The following SMARCE1 variants were observed in gnomAD, a reference collection of about 807,000 sequenced individuals.
The protein encoded by SMARCE1 is SWI/SNF related BAF chromatin remodeling complex subunit E1.
A neutral mutation model predicts 54.9 loss-of-function variants in SMARCE1; 13 were observed. The ratio of observed to expected loss-of-function variants is 0.24; its 90% CI spans 0.15 to 0.38. The LOEUF (loss-of-function observed/expected upper bound fraction) is 0.38. SMARCE1 is among the 10% of genes least tolerant of loss of function. SMARCE1 has a pLI of 1.00. For synonymous variants in SMARCE1, 151 were observed against 175.3 expected, an observed-to-expected ratio of 0.86 and a Z score of 1.10; for missense variants, 295 against 523.8, an observed-to-expected ratio of 0.56 and a Z score of 4.26.
chr17:40,637,595 C>A, intron 4 of SMARCE1, 23 bp from the exon 5 acceptor site: 5 of 1,575,634 alleles, frequency 3.2e-6, no homozygotes, highest in Non-Finnish European at 4.4e-6. Context: ...TAAATACATT[C>A]ATTATTCAAC....
intron 3 of SMARCE1, chr17:40,643,408 T>C (rs1211677727): frequency 1.3e-5 from 2 of 152,230 alleles, no homozygotes; most frequent in Admixed American, 1.3e-4. Context: ...CCTTTCAAAA[T>C]ACAACTGCTC....
At chr17:40,630,294 G>C (rs2037079264) in intron 10 of SMARCE1, 1 of 1,244,524 alleles carries the variant, frequency 8.0e-7, no homozygotes, top group Admixed American at 1.9e-5. Context: ...TTTCTGTAAA[G>C]AGCCAGATAG....
chr17:40,634,720 T>C (rs145303154), intron 7 of SMARCE1: 2 of 152,348 alleles, frequency 1.3e-5, no homozygotes, highest in Non-Finnish European at 2.9e-5. Context: ...GTGTTCATGG[T>C]GTTAATGAAA....
chr17:40,641,493 G>C (rs959480156), intron 4 of SMARCE1: 17 of 152,184 alleles, frequency 1.1e-4, no homozygotes, highest in African/African-American at 4.1e-4. Context: ...CTTGACTACA[G>C]GGTGAGAGGG....
At chr17:40,645,459 T>C in intron 3 of SMARCE1, 117 bp downstream of exon 3, 1 of 582,698 alleles carries the variant, frequency 1.7e-6, no homozygotes, top group East Asian at 3.4e-5. Context: ...TTTTTTTCTT[T>C]TAAGCTGAAT....
intron 10 of SMARCE1, chr17:40,630,490 G>T: frequency 1.6e-6 from 1 of 626,674 alleles, no homozygotes; most frequent in Admixed American, 2.9e-5. Context: ...TGCTGTCCTA[G>T]GACACCAAAG....
intron 7 of SMARCE1, chr17:40,632,599 G>C: frequency 2.3e-6 from 1 of 440,758 alleles, no homozygotes; most frequent in Non-Finnish European, 4.0e-6. Context: ...TGATAATGTT[G>C]TGTCTGAGAA....
rs2037058900 is a variant in SMARCE1, at chr17:40,628,729, CA to C, written c.*55del. ...ACAAACCACGTAACACCATTAAAAC[CA>C]AAAAACATTTTTTCATTAAAAAAAG... On this transcript the variant is annotated 3_prime_UTR_variant, in exon 11 of 11. Coordinates refer to ENST00000348513, the MANE Select transcript of SMARCE1 (RefSeq NM_003079.5). 1 of 1,480,108 alleles carries C rather than the reference CA, an allele frequency of 6.8e-7. No homozygotes were observed. 91.7% of individuals were successfully genotyped at this position (1,480,108 alleles called of 1,614,324 possible). A position where few individuals can be genotyped will look rare whatever the true frequency, so the allele number is the denominator to read the frequency against.
rs202149619 is a variant in SMARCE1, at chr17:40,629,011, T to C, written c.1028-18A>G. 1,054 of 1,601,116 alleles carry C rather than the reference T, an allele frequency of 6.6e-4. 2 individuals carry two copies. Among genetic ancestry groups the C allele is most frequent in the Non-Finnish European group, 8.5e-4 (990 of 1,168,504 alleles). ...TGTCTCCTCTGTAATCACACATTTG[T>C]CACTGTCAGTTCCAAGATGAAATTT... is the stretch of plus-strand genomic sequence containing the variant. On this transcript the variant is annotated intron_variant, in intron 10 of 10. Coordinates refer to ENST00000348513, the MANE Select transcript of SMARCE1 (RefSeq NM_003079.5).
chr17:40,645,502 T>A, intron 3 of SMARCE1, 74 bp downstream of exon 3: 1 of 832,070 alleles, frequency 1.2e-6, no homozygotes, highest in Non-Finnish European at 1.9e-6. Context: ...TGAGTGACTG[T>A]CACTGGAAGA....
At chr17:40,637,809 A>G in intron 4 of SMARCE1, 1 of 502,702 alleles carries the variant, frequency 2.0e-6, no homozygotes, top group Non-Finnish European at 3.6e-6. Flanking sequence ...ACCTGGCTGC[A>G]AGAACAAATA....
chr17:40,642,648 T>C lies in SMARCE1; in HGVS notation c.52-89A>G. The C allele has an allele frequency of 4.0e-6, 3 of 749,226 alleles. No individual in the cohort carries two copies. Among genetic ancestry groups the C allele is most frequent in the Non-Finnish European group, 6.8e-6 (3 of 438,342 alleles). 46.4% of individuals were successfully genotyped at this position (749,226 alleles called of 1,614,324 possible). A position where few individuals can be genotyped will look rare whatever the true frequency, so the allele number is the denominator to read the frequency against. On this transcript the variant is annotated intron_variant, in intron 3 of 10. Transcript: ENST00000348513. The surrounding 1 kb of genome is among the most constrained non-coding windows in gnomAD (Gnocchi z 4.6). ...AATGAAAAATGATCTGCATATGGCA[T>C]GCAAAAGCAACCTGAATTTAAACAA...
At position 40,642,298 on chromosome 17, in the gene SMARCE1, T is replaced by C; in HGVS notation, c.156+157A>G. The C allele has an allele frequency of 2.9e-6, 2 of 691,734 alleles. No homozygotes were observed. Among genetic ancestry groups the C allele is most frequent in the South Asian group, 3.1e-5 (2 of 65,232 alleles). 42.8% of individuals were successfully genotyped at this position (691,734 alleles called of 1,614,324 possible). The stretch of plus-strand genomic sequence containing the variant: ...CAGATCTCACTATTTATTTTTTCAG[T>C]GTGAGATGCTACAACGAATGTTGAA... On this transcript the variant is annotated intron_variant, in intron 4 of 10. Transcript: ENST00000348513. This position sits in a 1 kb window ranked among gnomAD's most constrained non-coding sequence, Gnocchi z 4.6.
At chr17:40,645,170 G>A (rs28610051) in intron 3 of SMARCE1, 17,282 of 276,680 alleles carry the variant, frequency 0.062, 2,876 homozygotes, top group African/African-American at 0.35. Flanking sequence ...GAAAATTTTA[G>A]AGAGAGACAA....
At chr17:40,637,900 C>T (rs571947769) in intron 4 of SMARCE1, among the ~76,000 whole-genome samples, 70 of 152,228 alleles carry the variant, frequency 4.6e-4, no homozygotes, top group African/African-American at 1.6e-3. Flanking sequence ...ACCTGGTACC[C>T]TCTTATTCTG....
At chr17:40,634,823 A>T (rs9915135) in intron 7 of SMARCE1, 110,676 of 152,014 alleles carry the variant, frequency 0.73, 40,843 homozygotes, top group African/African-American at 0.86. Context: ...TTGTCTTCTG[A>T]TTTTTAGTTC....
At position 40,625,644 on chromosome 17, in the gene SMARCE1, C is replaced by G. The variant is rs1310727536; in HGVS notation, c.*3141G>C. Reference sequence around the variant, plus strand: ...GTTTCACACTGTCAGCACCAACTGTCTAAAATCCAAAACTAGTATCTAAAT... The same window carrying G: ...GTTTCACACTGTCAGCACCAACTGTGTAAAATCCAAAACTAGTATCTAAAT... On this transcript the variant is annotated 3_prime_UTR_variant, in exon 11 of 11. Coordinates refer to ENST00000348513, the MANE Select transcript of SMARCE1 (RefSeq NM_003079.5). 1 of 152,170 alleles carries G rather than the reference C, an allele frequency of 6.6e-6. No individual in the cohort carries two copies. Among genetic ancestry groups the G allele is most frequent in the African/African-American group, 2.4e-5 (1 of 41,434 alleles). 9.4% of individuals were successfully genotyped at this position (152,170 alleles called of 1,614,324 possible).
intron 6 of SMARCE1, 68 bp from the exon 7 acceptor site, chr17:40,636,170 C>T (rs1157342645): frequency 9.1e-6 from 12 of 1,323,442 alleles, no homozygotes; most frequent in Non-Finnish European, 1.3e-5. Context: ...CCTATGTTAT[C>T]TCACTTGAAT....
intron 10 of SMARCE1, chr17:40,630,001 C>A: frequency 2.4e-6 from 1 of 421,808 alleles, no homozygotes; most frequent in East Asian, 3.5e-5. Flanking sequence ...TGACTACTGT[C>A]CCTCCCACTT....
Sources: allele counts gnomAD v4.1 joint callset (sites outside exome capture counted in the v4.1 genomes callset), GRCh38; gene constraint gnomAD v4.1.1; non-coding constraint Gnocchi (gnomAD v3.1); transcripts MANE v1.5; gene names NCBI Gene and HGNC (gene_info 2026-07-23, HGNC 2026-07-21).